DLGAP1: variants seen among roughly 807,000 people sequenced by gnomAD.
The protein encoded by DLGAP1 is disks large-associated protein 1.
Under a neutral mutation model 90.8 loss-of-function variants are expected in DLGAP1, and 11 were observed. The ratio of observed to expected loss-of-function variants is 0.12; its 90% CI spans 0.08 to 0.20. DLGAP1 has a LOEUF of 0.20. Among genes scored for constraint, DLGAP1 ranks in the 10% least tolerant of loss-of-function variants. The pLI is 1.00. For missense variants in DLGAP1, 1,050 were observed against 1,333.8 expected (o/e 0.79, Z 3.31); for synonymous variants, 558 against 540.7 (o/e 1.03, Z -0.44).
chr18:3,782,008 G>A (rs2065218591), intron 5 of DLGAP1, among the ~76,000 whole-genome samples: 1 of 150,188 alleles, frequency 6.7e-6, no homozygotes, highest in Non-Finnish European at 1.5e-5. Flanking sequence ...AAAACTCTAC[G>A]GGAGATTCTA....
intron 7 of DLGAP1, among the ~76,000 whole-genome samples, chr18:3,600,915 G>GATAGAT (rs2056947018): frequency 2.7e-3 from 45 of 16,786 alleles, no homozygotes; most frequent in Non-Finnish European, 4.4e-3. Context: ...TATATAGATA[G>GATAGAT]ATATAGATAT....
intron 1 of DLGAP1, among the ~76,000 whole-genome samples, chr18:4,450,669 A>T (rs570335875): frequency 1.7e-4 from 26 of 152,312 alleles, no homozygotes; most frequent in African/African-American, 6.0e-4. Flanking sequence ...GCAGTTCCAA[A>T]TCACACACTT....
At chr18:4,214,222 G>A (rs1159340392) in intron 1 of DLGAP1, among the ~76,000 whole-genome samples, 1 of 152,022 alleles carries the variant, frequency 6.6e-6, no homozygotes, top group Non-Finnish European at 1.5e-5. Context: ...GAGGGAAACT[G>A]AGGAACAGGA....
At chr18:3,985,035 C>G (rs946048154) in intron 3 of DLGAP1, among the ~76,000 whole-genome samples, 21 of 152,166 alleles carry the variant, frequency 1.4e-4, no homozygotes, top group Non-Finnish European at 1.5e-4. Context: ...TTGGAAATCA[C>G]TTGCATTTAT....
In DLGAP1 at chr18:3,499,096, G is replaced by C; in HGVS notation, c.*89C>G. On this transcript the variant is annotated 3_prime_UTR_variant, in exon 13 of 13. Coordinates refer to ENST00000315677, the MANE Select transcript of DLGAP1 (RefSeq NM_004746.4). This position sits in a 1 kb window ranked among gnomAD's most constrained non-coding sequence, Gnocchi z 6.4. Reference sequence around the variant, plus strand: ...GAAGTCACCGAGCTCGGGAGCGGACGGGCTCGGAGGGGGAGAGGCAGCCGG... The same window carrying C: ...GAAGTCACCGAGCTCGGGAGCGGACCGGCTCGGAGGGGGAGAGGCAGCCGG... The C allele has an allele frequency of 4.9e-6, 6 of 1,218,862 alleles. No individual in the cohort carries two copies. The highest frequency in any genetic ancestry group is 6.6e-6 in the Non-Finnish European group (6 of 912,064). The allele number at this position is 1,218,862 out of a possible 1,614,324, so 75.5% of individuals were successfully genotyped here.
rs573180066 is a variant in DLGAP1, at chr18:3,852,437, C to T, written c.957+26675G>A. 2.3e-3 allele frequency among the ~76,000 whole-genome samples: 351 copies of T among 152,276 alleles called. 2 individuals carry two copies. Among genetic ancestry groups the T allele is most frequent in the African/African-American group, 7.0e-3 (291 of 41,568 alleles). ...AGATTTTCTCTCTAATAACGCTCCCCTTCAGTATCAAGACTCAAGGAAAAA... is the reference window on the plus strand; with the variant it reads ...AGATTTTCTCTCTAATAACGCTCCCTTTCAGTATCAAGACTCAAGGAAAAA... On this transcript the variant is annotated intron_variant, in intron 4 of 12. Coordinates refer to ENST00000315677, the MANE Select transcript of DLGAP1 (RefSeq NM_004746.4).
At chr18:4,207,504 T>A (rs889709363) in intron 1 of DLGAP1, among the ~76,000 whole-genome samples, 1 of 152,172 alleles carries the variant, frequency 6.6e-6, no homozygotes, top group Admixed American at 6.5e-5. Flanking sequence ...GCAAAGAAGA[T>A]AACATCTAAT....
intron 4 of DLGAP1, among the ~76,000 whole-genome samples, chr18:3,869,543 G>T (rs889311683): frequency 1.3e-5 from 2 of 152,100 alleles, no homozygotes; most frequent in Non-Finnish European, 2.9e-5. Context: ...GTGACAAAGG[G>T]AAACACTGTC....
At chr18:3,668,967 G>A (rs1025286218) in intron 7 of DLGAP1, among the ~76,000 whole-genome samples, 1 of 152,008 alleles carries the variant, frequency 6.6e-6, no homozygotes, top group African/African-American at 2.4e-5. Flanking sequence ...CTGGGCGACC[G>A]AGTAAGACTC....
chr18:4,411,894 A>C (rs1462791034), intron 1 of DLGAP1, among the ~76,000 whole-genome samples: 1 of 152,144 alleles, frequency 6.6e-6, no homozygotes, highest in Non-Finnish European at 1.5e-5. Flanking sequence ...GAACATAACC[A>C]TCACTTCTGC....
intron 5 of DLGAP1, among the ~76,000 whole-genome samples, chr18:3,771,732 T>G (rs1168294777): frequency 2.0e-5 from 3 of 152,036 alleles, no homozygotes; most frequent in Non-Finnish European, 4.4e-5. Context: ...AGGCTCTCCT[T>G]CAACGGATAA....
At chr18:4,277,861 T>C (rs2079450700) in intron 1 of DLGAP1, among the ~76,000 whole-genome samples, 1 of 152,196 alleles carries the variant, frequency 6.6e-6, no homozygotes, top group Admixed American at 6.5e-5. Context: ...TTATTCTTCA[T>C]GGAATTTCAG....
chr18:3,891,197 C>T (rs1178972020), intron 3 of DLGAP1, among the ~76,000 whole-genome samples: 2 of 152,148 alleles, frequency 1.3e-5, no homozygotes, highest in African/African-American at 2.4e-5. Flanking sequence ...TCAGCTCTGC[C>T]CTCTTCTCCC....
chr18:3,807,750 C>T (rs1390784923), intron 5 of DLGAP1, among the ~76,000 whole-genome samples: 1 of 152,212 alleles, frequency 6.6e-6, no homozygotes, highest in Non-Finnish European at 1.5e-5. Context: ...CTCCCTCCCC[C>T]AATCCCTGAC....
chr18:4,234,145 G>A (rs2078357644), intron 1 of DLGAP1, among the ~76,000 whole-genome samples: 1 of 148,740 alleles, frequency 6.7e-6, no homozygotes, highest in Admixed American at 6.7e-5. Flanking sequence ...AGGTCAAATA[G>A]ACATTAACTA....
At chr18:4,236,214 A>AAACC in intron 1 of DLGAP1, among the ~76,000 whole-genome samples, 2 of 152,300 alleles carry the variant, frequency 1.3e-5, no homozygotes, top group South Asian at 4.1e-4. Flanking sequence ...TGAGGTTTCA[A>AAACC]TCAGTAAGTA....
In DLGAP1 at chr18:4,057,195, C is replaced by T. The variant is rs2075233236; in HGVS notation, c.-158-51994G>A. On this transcript the variant is annotated intron_variant, in intron 2 of 12. Coordinates refer to ENST00000315677, the MANE Select transcript of DLGAP1 (RefSeq NM_004746.4). ...CTGTCTCTGAAATAATAATTGATGG[C>T]AGCCAGCACCAGGGAAAGGCAGTCT... Among the ~76,000 whole-genome samples the T allele has an allele frequency of 3.3e-5, 5 of 152,216 alleles. No homozygotes were observed. The Middle Eastern group carries it at 0.014, about 414-fold the overall frequency.
At chr18:4,008,596 T>C (rs1183281026) in intron 2 of DLGAP1, among the ~76,000 whole-genome samples, 2 of 152,212 alleles carry the variant, frequency 1.3e-5, no homozygotes, top group Admixed American at 6.5e-5. Flanking sequence ...AAATCATTTT[T>C]CATGCCTAGC....
intron 4 of DLGAP1, among the ~76,000 whole-genome samples, chr18:3,866,119 G>A (rs1316137177): frequency 1.3e-5 from 2 of 152,192 alleles, no homozygotes; most frequent in Non-Finnish European, 2.9e-5. Context: ...AAGCCCAAAA[G>A]TGATTTTGTA....
Sources: gnomAD v4.1 joint callset for allele counts (sites outside exome capture counted in the v4.1 genomes callset) on GRCh38, gnomAD v4.1.1 for gene constraint, Gnocchi (gnomAD v3.1) non-coding constraint, MANE v1.5 for transcripts, NCBI Gene and HGNC (gene_info 2026-07-23, HGNC 2026-07-21) for gene names.